The following TTC28 variants were observed in gnomAD, a reference collection of about 807,000 sequenced individuals.
TTC28 encodes the protein tetratricopeptide repeat domain 28.
A neutral mutation model predicts 198.0 loss-of-function variants in TTC28; 61 were observed. The observed-to-expected ratio is 0.31, with a 90% confidence interval of 0.25 to 0.38. The LOEUF is 0.38. Ranked by LOEUF, TTC28 falls within the 10% of genes least tolerant of loss-of-function variation. The pLI is 1.00. For missense variants in TTC28, 2,678 were observed against 3,164.0 expected, an observed-to-expected ratio of 0.85 and a Z score of 3.69; for synonymous variants, 1,171 against 1,297.8, an observed-to-expected ratio of 0.90 and a Z score of 2.10.
At chr22:28,067,180 G>A (rs1940788602) in intron 12 of TTC28, among the ~76,000 whole-genome samples, 2 of 152,186 alleles carry the variant, frequency 1.3e-5, no homozygotes, top group African/African-American at 4.8e-5. Context: ...AGTTCCATGA[G>A]ATTAAATTGC....
chr22:28,230,686 G>A (rs534799412), intron 5 of TTC28, among the ~76,000 whole-genome samples: 1 of 152,110 alleles, frequency 6.6e-6, no homozygotes, highest in Non-Finnish European at 1.5e-5. Flanking sequence ...TCCCTTAGAC[G>A]TATATCCTAT....
At chr22:28,044,430 TA>T (rs1939781400) in intron 12 of TTC28, among the ~76,000 whole-genome samples, 1 of 152,194 alleles carries the variant, frequency 6.6e-6, no homozygotes, top group African/African-American at 2.4e-5. Context: ...AATGCTTTCT[TA>T]AGAGCATTTT....
chr22:28,272,800 T>C (rs1167001851), intron 5 of TTC28, among the ~76,000 whole-genome samples: 1 of 152,060 alleles, frequency 6.6e-6, no homozygotes, highest in Non-Finnish European at 1.5e-5. Context: ...AAACCTGAAG[T>C]TCAGAGCTAC....
At chr22:28,191,957 G>A (rs750247250) in intron 5 of TTC28, among the ~76,000 whole-genome samples, 11 of 152,170 alleles carry the variant, frequency 7.2e-5, no homozygotes, top group African/African-American at 1.2e-4. Context: ...CTCCCAGCAC[G>A]CAGCTGGAGA....
At chr22:28,232,918 T>G (rs1013928433) in intron 5 of TTC28, 1 of 151,950 alleles carries the variant, frequency 6.6e-6, no homozygotes, top group Admixed American at 6.6e-5. Flanking sequence ...CTGGCCAACA[T>G]AGTGAAACCC....
chr22:28,087,417 A>G (rs1427102669), intron 12 of TTC28, among the ~76,000 whole-genome samples: 1 of 152,190 alleles, frequency 6.6e-6, no homozygotes, highest in Non-Finnish European at 1.5e-5. Context: ...AAACCACATG[A>G]TTATCTCAAT....
At position 27,992,639 on chromosome 22, in the gene TTC28, G is replaced by A; in HGVS notation, c.5501C>T (p.Ala1834Val). ...LLGLPNPALQ[A>V]LCKLITASET... ...GGAGGCAGTGATGAGTTTGCAAAGGGCTTGGAGGGCAGGATTGGGCAGACC... is the reference window on the plus strand; with the variant it reads ...GGAGGCAGTGATGAGTTTGCAAAGGACTTGGAGGGCAGGATTGGGCAGACC... Residue 1834 changes from alanine to valine, a missense_variant, in exon 19 of 23, where the codon GCC (alanine) becomes GTC (valine). Physicochemically the swap from Ala to Val is moderately conservative, Grantham distance 64 (BLOSUM62 0). Coordinates refer to ENST00000397906, the MANE Select transcript of TTC28 (RefSeq NM_001145418.2). 6.4e-7 allele frequency: 1 copy of A among 1,551,680 alleles called. No individual in the cohort carries two copies. The highest frequency in any genetic ancestry group is 8.7e-7 in the Non-Finnish European group (1 of 1,146,994).
At chr22:28,285,740 A>T (rs757593054) in intron 5 of TTC28, among the ~76,000 whole-genome samples, 32 of 152,276 alleles carry the variant, frequency 2.1e-4, no homozygotes, top group Non-Finnish European at 3.4e-4. Flanking sequence ...TTTTTAAATA[A>T]TCTAATGTGT....
intron 13 of TTC28, 53 bp from the exon 14 acceptor site, chr22:28,014,445 C>G: frequency 6.7e-7 from 1 of 1,498,100 alleles, no homozygotes; most frequent in South Asian, 1.3e-5. Flanking sequence ...CAGGCAAAGA[C>G]TCACCCTGGC....
chr22:28,310,117 C>A (rs1309763485), intron 2 of TTC28, among the ~76,000 whole-genome samples: 1 of 146,896 alleles, frequency 6.8e-6, no homozygotes, highest in Admixed American at 6.8e-5. Context: ...ATCAACAGTG[C>A]CAGGCACTGT....
chr22:28,502,017 T>C (rs2048544252), intron 2 of TTC28, among the ~76,000 whole-genome samples: 3 of 152,224 alleles, frequency 2.0e-5, no homozygotes, highest in Admixed American at 2.0e-4. Flanking sequence ...CATAAAAGCA[T>C]ATGTTTTTTC....
chr22:28,190,996 A>G (rs769041888), intron 5 of TTC28, among the ~76,000 whole-genome samples: 1 of 152,172 alleles, frequency 6.6e-6, no homozygotes, highest in East Asian at 1.9e-4. Context: ...TTCCCAGTGC[A>G]TATGAATCTA....
intron 2 of TTC28, among the ~76,000 whole-genome samples, chr22:28,399,298 A>G (rs929783631): frequency 6.7e-6 from 1 of 149,640 alleles, no homozygotes; most frequent in African/African-American, 2.4e-5. Flanking sequence ...CAATGTTTGT[A>G]TAAGTTGAGA....
intron 1 of TTC28, among the ~76,000 whole-genome samples, chr22:28,639,635 T>G (rs1024300985): frequency 6.6e-6 from 1 of 152,092 alleles, no homozygotes; most frequent in Non-Finnish European, 1.5e-5. Context: ...AAATGGGAGT[T>G]TTTCTGCACA....
At chr22:28,607,072 G>A (rs1381781137) in intron 2 of TTC28, among the ~76,000 whole-genome samples, 1 of 152,156 alleles carries the variant, frequency 6.6e-6, no homozygotes, top group Admixed American at 6.5e-5. Context: ...TGAAGACAGA[G>A]GGATACTGAG....
intron 2 of TTC28, among the ~76,000 whole-genome samples, chr22:28,330,859 T>C (rs1377592323): frequency 6.6e-6 from 1 of 152,176 alleles, no homozygotes; most frequent in African/African-American, 2.4e-5. Flanking sequence ...TAAGAACAAG[T>C]GCATGTAAAA....
intron 1 of TTC28, among the ~76,000 whole-genome samples, chr22:28,632,566 C>A (rs1430829484): frequency 2.6e-5 from 4 of 151,784 alleles, no homozygotes; most frequent in Non-Finnish European, 5.9e-5. Context: ...AATTTTCAGT[C>A]CTTGTTTTTA....
chr22:28,616,703 T>C (rs1258743473), intron 2 of TTC28, among the ~76,000 whole-genome samples: 1 of 152,002 alleles, frequency 6.6e-6, no homozygotes, highest in Non-Finnish European at 1.5e-5. Flanking sequence ...ATACAAAAAT[T>C]AGTCGTAGTG....
intron 6 of TTC28, among the ~76,000 whole-genome samples, chr22:28,127,916 G>A (rs913841807): frequency 3.3e-5 from 5 of 149,666 alleles, no homozygotes; most frequent in African/African-American, 1.2e-4. Flanking sequence ...TTTTTTGGGG[G>A]TGGGATTTCA....
Sources: gnomAD v4.1 joint callset for allele counts (sites outside exome capture counted in the v4.1 genomes callset) on GRCh38, gnomAD v4.1.1 for gene constraint, MANE v1.5 for transcripts, NCBI Gene and HGNC (gene_info 2026-07-23, HGNC 2026-07-21) for gene names.